The following DEFB114 variants were observed in gnomAD, a reference collection of about 807,000 sequenced individuals.
DEFB114 encodes beta-defensin 114.
A neutral mutation model predicts 2.4 loss-of-function variants in DEFB114; 4 were observed. The observed-to-expected ratio is 1.67, with a 90% CI of 0.82 to 3.82. DEFB114 has a LOEUF of 3.82. Ranked by LOEUF, DEFB114 falls within the 30% of genes most tolerant of loss-of-function variation. The pLI, the probability that DEFB114 is intolerant of heterozygous loss-of-function variation, is 0.01. For synonymous variants in DEFB114, 35 were observed against 24.6 expected (o/e 1.42, Z -1.26); for missense variants, 113 against 85.8 (o/e 1.32, Z -1.25).
chr6:49,961,407 C>A (rs542338139), intron 1 of DEFB114, among the ~76,000 whole-genome samples: 11 of 150,470 alleles, frequency 7.3e-5, no homozygotes, highest in Non-Finnish European at 1.6e-4. Flanking sequence ...AATAATTATT[C>A]CACACTATTT....
At chr6:49,962,325 A>G (rs1773476275) in intron 1 of DEFB114, among the ~76,000 whole-genome samples, 1 of 150,470 alleles carries the variant, frequency 6.6e-6, no homozygotes, top group Non-Finnish European at 1.5e-5. Context: ...TATATTTCAT[A>G]ATAAAATGCC....
chr6:49,962,578 G>C (rs1773480454), intron 1 of DEFB114, among the ~76,000 whole-genome samples: 1 of 150,254 alleles, frequency 6.7e-6, no homozygotes, highest in South Asian at 2.1e-4. Context: ...ACTGACAAAA[G>C]TTTCCAAATT....
intron 1 of DEFB114, 116 bp from the exon 2 acceptor site, chr6:49,960,562 A>G: frequency 1.8e-6 from 2 of 1,108,996 alleles, no homozygotes; most frequent in Non-Finnish European, 2.5e-6. Flanking sequence ...CCAAAAAAAA[A>G]TAAATCCATG....
intron 1 of DEFB114, among the ~76,000 whole-genome samples, chr6:49,961,709 A>T (rs993375654): frequency 1.6e-4 from 24 of 150,812 alleles, no homozygotes; most frequent in Admixed American, 6.0e-4. Context: ...AACATTAAGG[A>T]CCTATGTAAA....
chr6:49,962,348 T>A (rs1401660917), intron 1 of DEFB114, among the ~76,000 whole-genome samples: 1 of 150,478 alleles, frequency 6.6e-6, no homozygotes, highest in Non-Finnish European at 1.5e-5. Context: ...TTTTTCTGAT[T>A]ACTGAAAAAG....
chr6:49,964,037 G>C lies in DEFB114; in HGVS notation c.55+14C>G, dbSNP rs772168815. 2 of 1,541,558 alleles carry C rather than the reference G, an allele frequency of 1.3e-6. No homozygotes were observed. Among genetic ancestry groups the C allele is most frequent in the South Asian group, 1.2e-5 (1 of 82,348 alleles). ...AGAAGTTTTACACAAATATAACAGA[G>C]ACATCTATCTTACCTGGTAGAATGA... On this transcript the variant is annotated intron_variant, in intron 1 of 1. Transcript: ENST00000322066.
At chr6:49,961,915 T>G (rs757047108) in intron 1 of DEFB114, among the ~76,000 whole-genome samples, 1 of 150,806 alleles carries the variant, frequency 6.6e-6, no homozygotes, top group Non-Finnish European at 1.5e-5. Flanking sequence ...CTCACAATAT[T>G]GTATTTTGAG....
intron 1 of DEFB114, among the ~76,000 whole-genome samples, chr6:49,963,043 C>T (rs1376366052): frequency 6.7e-6 from 1 of 150,092 alleles, no homozygotes; most frequent in Admixed American, 6.7e-5. Flanking sequence ...AAATACCCAG[C>T]CCAGATAGGT....
At chr6:49,960,487 T>G in intron 1 of DEFB114, 41 bp from the exon 2 acceptor site, 1 of 1,557,580 alleles carries the variant, frequency 6.4e-7, no homozygotes, top group Non-Finnish European at 8.7e-7. Flanking sequence ...AATCTTTTAT[T>G]TAAGCATATA....
rs2113913465 is a variant in DEFB114, at chr6:49,964,083, T to C, written c.23A>G (p.His8Arg). ...AATGAAGGTCACATAACACAGAAAA[T>C]GGAGATAGTAAAAGATCCTCATTCT... MRIFYYL[H>R]FLCYVTFILP... Residue 8 changes from histidine (H) to arginine (R), a missense_variant, in exon 1 of 2, where the codon CAT becomes CGT. Coordinates refer to ENST00000322066, the MANE Select transcript of DEFB114 (RefSeq NM_001037499.2). 3 of 1,586,616 alleles carry C rather than the reference T, an allele frequency of 1.9e-6. No individual in the cohort carries two copies. The highest frequency in any genetic ancestry group is 4.5e-5 in the East Asian group (2 of 43,994).
intron 1 of DEFB114, among the ~76,000 whole-genome samples, chr6:49,962,674 A>G (rs1337704444): frequency 6.7e-6 from 1 of 150,270 alleles, no homozygotes; most frequent in African/African-American, 2.4e-5. Flanking sequence ...TTTTACATTA[A>G]CTTGCATGCT....
intron 1 of DEFB114, among the ~76,000 whole-genome samples, chr6:49,961,896 T>A (rs1773467168): frequency 6.6e-6 from 1 of 150,804 alleles, no homozygotes; most frequent in African/African-American, 2.4e-5. Context: ...TTACATCTGA[T>A]TTTATTCACT....
chr6:49,963,136 G>A (rs1035126762), intron 1 of DEFB114, among the ~76,000 whole-genome samples: 2 of 150,028 alleles, frequency 1.3e-5, no homozygotes, highest in Non-Finnish European at 3.0e-5. Context: ...ATAAAAGGAT[G>A]TTTCTAACTT....
chr6:49,962,493 T>C (rs1355722074), intron 1 of DEFB114, among the ~76,000 whole-genome samples: 3 of 150,384 alleles, frequency 2.0e-5, no homozygotes, highest in Non-Finnish European at 4.5e-5. Flanking sequence ...TCTAGTTGTG[T>C]TCCTTTTATA....
chr6:49,960,532 T>C (rs1001631049), intron 1 of DEFB114, 86 bp from the exon 2 acceptor site: 1 of 1,384,428 alleles, frequency 7.2e-7, no homozygotes, highest in African/African-American at 1.5e-5. Context: ...ATGTGTACAT[T>C]GTATCAAGTT....
At chr6:49,964,006 C>T in intron 1 of DEFB114, 45 bp downstream of exon 1, 1 of 1,352,030 alleles carries the variant, frequency 7.4e-7, no homozygotes, top group African/African-American at 1.5e-5. Context: ...ATTTCTATTT[C>T]TAGTGAGAAG....
intron 1 of DEFB114, among the ~76,000 whole-genome samples, chr6:49,961,383 C>A (rs1380912722): frequency 1.3e-5 from 2 of 150,398 alleles, no homozygotes; most frequent in Admixed American, 6.6e-5. Flanking sequence ...AACTTCATTT[C>A]TTTTAAATGA....
Position 49,960,567 on chromosome 6 carries a change from T to A in DEFB114, c.56-121A>T, listed in dbSNP as rs1001213698. On this transcript the variant is annotated intron_variant, in intron 1 of 1. Transcript: ENST00000322066. ...TTAGAAAATACCAAAAAAAAATAAATCCATGTATATCTTATACCCCATGTA... is the reference window on the plus strand; with the variant it reads ...TTAGAAAATACCAAAAAAAAATAAAACCATGTATATCTTATACCCCATGTA... 2.1e-5 allele frequency: 21 copies of A among 1,010,594 alleles called. 1 individual carries two copies. The highest frequency in any genetic ancestry group is 2.7e-5 in the Non-Finnish European group (20 of 729,802). 62.6% of individuals were successfully genotyped at this position (1,010,594 alleles called of 1,614,324 possible).
At position 49,960,399 on chromosome 6, in the gene DEFB114, G is replaced by T. The variant is rs775542119; in HGVS notation, c.103C>A (p.Arg35Ser). The T allele has an allele frequency of 6.2e-7, 1 of 1,607,346 alleles. No individual in the cohort carries two copies. Among genetic ancestry groups the T allele is most frequent in the South Asian group, 1.1e-5 (1 of 90,744 alleles). Reference sequence around the variant, plus strand: ...CTCTCAAGACAGTCTCTTTTACAACGACCGTAACGTTTGGTGCAACGATCA... The same window carrying T: ...CTCTCAAGACAGTCTCTTTTACAACTACCGTAACGTTTGGTGCAACGATCA... ...NADRCTKRYG[R>S]CKRDCLESEK... Residue 35 changes from arginine (R) to serine (S), a missense_variant, in exon 2 of 2, where the codon CGT becomes AGT. Coordinates refer to ENST00000322066, the MANE Select transcript of DEFB114 (RefSeq NM_001037499.2).
Sources: allele counts gnomAD v4.1 joint callset (sites outside exome capture counted in the v4.1 genomes callset), GRCh38; gene constraint gnomAD v4.1.1; transcripts MANE v1.5; gene names NCBI Gene and HGNC (gene_info 2026-07-23, HGNC 2026-07-21).